The following PTPRN2 variants were observed in gnomAD, a reference collection of about 807,000 sequenced individuals.
PTPRN2 encodes receptor-type tyrosine-protein phosphatase N2.
In PTPRN2, 74 loss-of-function variants were observed where a neutral mutation model predicts 118.8. The ratio of observed to expected loss-of-function variants is 0.62; its 90% CI spans 0.52 to 0.76. The LOEUF is 0.76. Among genes scored for constraint, PTPRN2 ranks in the 30% least tolerant of loss-of-function variants. The probability of loss-of-function intolerance (pLI) is 0.00; values close to 1 mark genes in which losing one functional copy is unlikely to be tolerated. For missense variants in PTPRN2, 1,481 were observed against 1,394.4 expected, an observed-to-expected ratio of 1.06 and a Z score of -0.99; for synonymous variants, 641 against 608.0, an observed-to-expected ratio of 1.05 and a Z score of -0.80.
chr7:158,387,494 GC>G (rs1811500072), intron 2 of PTPRN2, among the ~76,000 whole-genome samples: 1 of 152,306 alleles, frequency 6.6e-6, no homozygotes. Flanking sequence ...CAAGTGGAGT[GC>G]GATCGGGTTA....
At chr7:157,642,830 A>AAAAAAAAAAAAAAAAAAC (rs1804767604) in intron 14 of PTPRN2, among the ~76,000 whole-genome samples, 1 of 146,580 alleles carries the variant, frequency 6.8e-6, no homozygotes, top group Non-Finnish European at 1.5e-5. Flanking sequence ...AAAAAAAAAA[A>AAAAAAAAAAAAAAAAAAC]AAAAAAAAAA....
chr7:158,162,618 G>A (rs566457647), intron 6 of PTPRN2, among the ~76,000 whole-genome samples: 1 of 97,298 alleles, frequency 1.0e-5, no homozygotes, highest in East Asian at 3.9e-4. Context: ...TGAACTAGAT[G>A]AGCCCCAAAT....
At chr7:158,317,884 C>G (rs1005792857) in intron 2 of PTPRN2, among the ~76,000 whole-genome samples, 1 of 152,192 alleles carries the variant, frequency 6.6e-6, no homozygotes, top group Non-Finnish European at 1.5e-5. Context: ...CTCACGACGA[C>G]GGGGCCGGGT....
chr7:157,961,365 C>A (rs183543058), intron 11 of PTPRN2, among the ~76,000 whole-genome samples: 1 of 152,044 alleles, frequency 6.6e-6, no homozygotes, highest in African/African-American at 2.4e-5. Context: ...AGACCCATCT[C>A]TACTGAAAAT....
intron 2 of PTPRN2, among the ~76,000 whole-genome samples, chr7:158,440,883 G>GATA (rs1563294892): frequency 1.4e-4 from 17 of 125,568 alleles, no homozygotes; most frequent in African/African-American, 4.1e-4. Context: ...TGGTGGTGGT[G>GATA]GTGAAGGTGG....
chr7:158,481,871 C>A (rs1039105847), intron 2 of PTPRN2, among the ~76,000 whole-genome samples: 6 of 152,174 alleles, frequency 3.9e-5, no homozygotes, highest in African/African-American at 1.4e-4. Context: ...AAAAATTCAC[C>A]GTTCTAGATG....
chr7:158,160,105 G>A (rs546241739), intron 6 of PTPRN2, among the ~76,000 whole-genome samples: 1 of 152,306 alleles, frequency 6.6e-6, no homozygotes, highest in South Asian at 2.1e-4. Context: ...CATAACTTAA[G>A]GAGTTGTGTG....
At chr7:157,566,092 T>C (rs1585040280) in intron 21 of PTPRN2, among the ~76,000 whole-genome samples, 1 of 152,368 alleles carries the variant, frequency 6.6e-6, no homozygotes, top group South Asian at 2.1e-4. Flanking sequence ...TAATCCCTGA[T>C]GGGCTGTGTG....
chr7:157,612,451 G>GA (rs1225751729), intron 15 of PTPRN2, among the ~76,000 whole-genome samples: 1 of 152,226 alleles, frequency 6.6e-6, no homozygotes, highest in Admixed American at 6.5e-5. Context: ...CCAAGGAGCT[G>GA]AAACTAGGAG....
chr7:158,080,006 G>T (rs780711956), intron 11 of PTPRN2, among the ~76,000 whole-genome samples: 3 of 152,148 alleles, frequency 2.0e-5, no homozygotes, highest in Non-Finnish European at 4.4e-5. Flanking sequence ...GCAAAGCACT[G>T]TATTTCAACC....
At chr7:158,200,469 T>C (rs1242164724) in intron 4 of PTPRN2, among the ~76,000 whole-genome samples, 1 of 152,204 alleles carries the variant, frequency 6.6e-6, no homozygotes, top group Non-Finnish European at 1.5e-5. Flanking sequence ...ACTGTTTTTG[T>C]CTGAGAAATT....
intron 5 of PTPRN2, among the ~76,000 whole-genome samples, chr7:158,185,877 G>C (rs988360127): frequency 6.6e-6 from 1 of 152,128 alleles, no homozygotes; most frequent in African/African-American, 2.4e-5. Flanking sequence ...TTCCCCGTCG[G>C]TCCCACCCTG....
rs147688841 is a variant in PTPRN2 at position 158,514,485 on chromosome 7, G to A, written c.113-24700C>T. On this transcript the variant is annotated intron_variant, in intron 1 of 22. Coordinates refer to ENST00000389418, the MANE Select transcript of PTPRN2 (RefSeq NM_002847.5). ...AATTAAACCTCTGTGGTCCATGAAA[G>A]AGAAGGATCTCAGCTGTGTCCACTT... is the stretch of plus-strand genomic sequence containing the variant. Among the ~76,000 whole-genome samples, 1,294 of 152,320 alleles carry A rather than the reference G, an allele frequency of 8.5e-3. 5 individuals are homozygous for A. Among genetic ancestry groups the A allele is most frequent in the Non-Finnish European group, 0.014 (961 of 68,030 alleles).
At chr7:157,878,868 G>A (rs112219406) in intron 12 of PTPRN2, among the ~76,000 whole-genome samples, 16 of 90,484 alleles carry the variant, frequency 1.8e-4, no homozygotes, top group Admixed American at 3.6e-4. Flanking sequence ...CTCGGATTCC[G>A]TGGGGCTGGA....
At chr7:158,046,428 G>A (rs1430187191) in intron 11 of PTPRN2, among the ~76,000 whole-genome samples, 1 of 149,514 alleles carries the variant, frequency 6.7e-6, no homozygotes, top group African/African-American at 2.5e-5. Context: ...CAGAAACTGC[G>A]ATCCTGGCAT....
chr7:158,343,861 G>C (rs1378948848), intron 2 of PTPRN2, among the ~76,000 whole-genome samples: 1 of 140,852 alleles, frequency 7.1e-6, no homozygotes, highest in Non-Finnish European at 1.6e-5. Flanking sequence ...TGGAATCACA[G>C]CTACAATCGA....
chr7:158,475,548 G>A (rs971707241), intron 2 of PTPRN2, among the ~76,000 whole-genome samples: 4 of 151,340 alleles, frequency 2.6e-5, no homozygotes, highest in East Asian at 1.9e-4. Context: ...AAACACCCTC[G>A]GGAGGGCACG....
intron 14 of PTPRN2, among the ~76,000 whole-genome samples, chr7:157,645,723 C>T (rs1805026081): frequency 6.6e-6 from 1 of 152,196 alleles, no homozygotes; most frequent in African/African-American, 2.4e-5. Flanking sequence ...CACATGACCA[C>T]AGCAGCACCG....
In PTPRN2 at chr7:158,393,520, C is replaced by T. The variant is rs912894244; in HGVS notation, c.164-76588G>A. Among the ~76,000 whole-genome samples, 14 of 152,264 alleles carry T rather than the reference C, an allele frequency of 9.2e-5. 1 individual carries two copies. The highest frequency in any genetic ancestry group is 2.6e-4 in the African/African-American group (11 of 41,556). ...CCTGACAGGGGATGGAGGTGTTTCC[C>T]TCAGACAACATAAAGGTCTCAGGCC... On this transcript the variant is annotated intron_variant, in intron 2 of 22. Transcript: ENST00000389418.
Sources: gnomAD v4.1 joint callset for allele counts (sites outside exome capture counted in the v4.1 genomes callset) on GRCh38, gnomAD v4.1.1 for gene constraint, MANE v1.5 for transcripts, NCBI Gene and HGNC (gene_info 2026-07-23, HGNC 2026-07-21) for gene names.